TELO2: variants seen among roughly 807,000 people sequenced by gnomAD.
TELO2 encodes telomere maintenance 2, also known as telomere length regulation protein TEL2 homolog.
Under a neutral mutation model 91.0 loss-of-function variants are expected in TELO2, and 71 were observed. The ratio of observed to expected loss-of-function variants is 0.78; its 90% CI spans 0.64 to 0.95. The LOEUF (loss-of-function observed/expected upper bound fraction) is 0.95. TELO2 is among the 40% of genes least tolerant of loss of function. TELO2 has a pLI of 0.00. For missense variants in TELO2, 1,183 were observed against 1,141.3 expected (o/e 1.04, Z -0.53); for synonymous variants, 584 against 518.9 (o/e 1.13, Z -1.71).
chr16:1,509,722 TC>T, intron 20 of TELO2, 107 bp from the exon 21 acceptor site: 1 of 1,029,260 alleles, frequency 9.7e-7, no homozygotes, highest in Non-Finnish European at 1.4e-6. Flanking sequence ...CCCCCTTTCT[TC>T]CATGGAGTCA....
chr16:1,496,061 G>C (rs1020956519), intron 3 of TELO2, among the ~76,000 whole-genome samples: 8 of 152,266 alleles, frequency 5.3e-5, no homozygotes, highest in African/African-American at 1.9e-4. Context: ...CGTTTCACTA[G>C]CGAGAAGGAG....
In TELO2 at chr16:1,502,402, GA is replaced by G. The variant is rs1468737207; in HGVS notation, c.1652del (p.Glu551GlyfsTer2). The stretch of plus-strand genomic sequence containing the variant: ...CTACAGGAGCCCCACAGCCACTCGG[GA>G]GGTGAGTGGGGGGCGGGAGTGGGTG... ...LVYRSPTATR[E>X]VSVELAKVLL... is the part of the protein sequence containing the mutation. On this transcript the variant is annotated frameshift_variant and splice_region_variant, in exon 13 of 21. Transcript: ENST00000262319. LOFTEE classifies it high-confidence loss of function. 1.0e-5 allele frequency: 16 copies of G among 1,594,892 alleles called. No homozygotes were observed. The highest frequency in any genetic ancestry group is 1.4e-5 in the Non-Finnish European group (16 of 1,172,810).
chr16:1,506,499 A>G (rs45457991), intron 17 of TELO2, 170 bp downstream of exon 17: 111,375 of 1,465,598 alleles, frequency 0.076, 4,911 homozygotes, highest in African/African-American at 0.17. Flanking sequence ...GTCCCGCAAG[A>G]TTCCTCTGTG....
chr16:1,502,180 C>A, intron 12 of TELO2, 45 bp downstream of exon 12: 1 of 1,607,984 alleles, frequency 6.2e-7, no homozygotes, highest in Non-Finnish European at 8.5e-7. Flanking sequence ...GGGCATGGGT[C>A]CCGCTCACAG....
In TELO2 at chr16:1,502,357, C is replaced by CGGGCCCTTGA. The variant is rs749004413; in HGVS notation, c.1612_1621dup (p.Leu541ProfsTer2). On this transcript the variant is annotated frameshift_variant, in exon 13 of 21. Transcript: ENST00000262319. LOFTEE classifies it high-confidence loss of function. ...CATAGAGCGCTGGGAGGCAGCCCTG[C>CGGGCCCTTGA]GGGCCCTTGAGGGCCTGGTCTACAG... 30 of 1,604,852 alleles carry CGGGCCCTTGA rather than the reference C, an allele frequency of 1.9e-5. No homozygotes were observed. Among genetic ancestry groups the CGGGCCCTTGA allele is most frequent in the Non-Finnish European group, 2.5e-5 (30 of 1,177,322 alleles).
At chr16:1,498,351 GTGTT>G (rs1299740004) in intron 5 of TELO2, among the ~76,000 whole-genome samples, 3 of 152,182 alleles carry the variant, frequency 2.0e-5, no homozygotes, top group African/African-American at 4.8e-5. Flanking sequence ...GGGTGTGTGT[GTGTT>G]TAAGGCATTT....
At position 1,501,491 on chromosome 16, in the gene TELO2, G is replaced by A. The variant is rs759260920; in HGVS notation, c.1353G>A (p.Ser451=). Residue 451 remains serine, a synonymous_variant, in exon 10 of 21, where the codon TCG becomes TCA. Coordinates refer to ENST00000262319, the MANE Select transcript of TELO2 (RefSeq NM_016111.4). ...CCCAGCCTGCGGGTGACGGCGCCTC[G>A]GAGGCGGGGTGAGGGTCTCTGCCCC... ...ASPQPAGDGA[S]EAGTSLVPAT... 2.9e-5 allele frequency: 46 copies of A among 1,608,874 alleles called. No individual in the cohort carries two copies. The highest frequency in any genetic ancestry group is 8.4e-5 in the Admixed American group (5 of 59,608).
rs781660660 is a variant in TELO2 at position 1,502,649 on chromosome 16, G to A, written c.1658G>A (p.Ser553Asn). 72 of 1,611,238 alleles carry A rather than the reference G, an allele frequency of 4.5e-5. No individual in the cohort carries two copies. Among genetic ancestry groups the A allele is most frequent in the Admixed American group, 2.2e-4 (13 of 60,000 alleles). ...YRSPTATREVSVELAKVLLHL... is the reference protein window; with the variant it reads ...YRSPTATREVNVELAKVLLHL... ...AGCCCTAACCCCTGCGTGCAGGTGA[G>A]CGTGGAGCTGGCCAAGGTGCTTCTG... Residue 553 changes from serine (S) to asparagine (N), a missense_variant, in exon 14 of 21, where the codon AGC becomes AAC. By Grantham distance (46) the Ser-to-Asn change is conservative (BLOSUM62 1). Coordinates refer to ENST00000262319, the MANE Select transcript of TELO2 (RefSeq NM_016111.4).
intron 20 of TELO2, among the ~76,000 whole-genome samples, chr16:1,508,823 C>T (rs2040006368): frequency 6.6e-6 from 1 of 152,168 alleles, no homozygotes; most frequent in African/African-American, 2.4e-5. Flanking sequence ...CCAGCTCTGC[C>T]CTGTCCCTTC....
chr16:1,502,936 C>CGAGA lies in TELO2; in HGVS notation c.1778_1779insGAGA (p.Asp593GlufsTer34), dbSNP rs771873235. 1 of 1,611,100 alleles carries CGAGA rather than the reference C, an allele frequency of 6.2e-7. No homozygotes were observed. The highest frequency in any genetic ancestry group is 8.5e-7 in the Non-Finnish European group (1 of 1,180,006). Reference sequence around the variant, plus strand: ...CCTCTCCCCTGTGTCCTCAGGTGGCCGACTATCTGACCTCACAGTTCTATG... The same window carrying CGAGA: ...CCTCTCCCCTGTGTCCTCAGGTGGCCGAGAGACTATCTGACCTCACAGTTCTATG... On this transcript the variant is annotated frameshift_variant, in exon 15 of 21. Coordinates refer to ENST00000262319, the MANE Select transcript of TELO2 (RefSeq NM_016111.4). LOFTEE classifies it high-confidence loss of function.
chr16:1,501,520 G>C, intron 10 of TELO2, 21 bp downstream of exon 10: 1 of 1,597,056 alleles, frequency 6.3e-7, no homozygotes, highest in Non-Finnish European at 8.5e-7. Context: ...CTGCCCCCCG[G>C]GACCCCACCG....
In TELO2 at chr16:1,497,095, G is replaced by T; in HGVS notation, c.673G>T (p.Gly225Trp). ...GGTCCTTGGGAAAGCCTGTGTCCAC[G>T]GGAGGCAGCGTGAGTAGAGCAGTGC... ...SQVLGKACVH[G>W]RQQEILGVLV... is the part of the protein sequence containing the mutation. Residue 225 changes from glycine (G) to tryptophan (W), a missense_variant, in exon 4 of 21, where the codon GGG (glycine) becomes TGG (tryptophan). Transcript: ENST00000262319. This position sits in a 1 kb window ranked among gnomAD's most constrained non-coding sequence, Gnocchi z 4.0. 2 of 1,613,988 alleles carry T rather than the reference G, an allele frequency of 1.2e-6. No homozygotes were observed. Among genetic ancestry groups the T allele is most frequent in the Non-Finnish European group, 1.7e-6 (2 of 1,179,990 alleles).
At chr16:1,506,860 T>G in intron 17 of TELO2, 92 bp from the exon 18 acceptor site, 1 of 1,460,366 alleles carries the variant, frequency 6.8e-7, no homozygotes, top group South Asian at 1.4e-5. Flanking sequence ...AGGGGCTGTG[T>G]GGGGCTCCCT....
Position 1,500,164 on chromosome 16 carries a change from G to T in TELO2, c.1002G>T (p.Gln334His). ...GCCAGCGGCGCCCGCTCCTGCTGCA[G>T]GTACGTGCCTCCTGGCTCTCCGTCC... ...MDSQRRPLLL[Q>H]VLKELLETWG... Residue 334 changes from glutamine (Q) to histidine (H), a missense_variant and splice_region_variant, in exon 7 of 21, where the codon CAG (glutamine) becomes CAT (histidine). Transcript: ENST00000262319. 6.2e-7 allele frequency: 1 copy of T among 1,602,984 alleles called. No homozygotes were observed.
chr16:1,505,285 A>G lies in TELO2; in HGVS notation c.1843-125A>G. 1 of 1,170,806 alleles carries G rather than the reference A, an allele frequency of 8.5e-7. No individual in the cohort carries two copies. Among genetic ancestry groups the G allele is most frequent in the Non-Finnish European group, 1.2e-6 (1 of 845,894 alleles). The allele number at this position is 1,170,806 out of a possible 1,614,324, so 72.5% of individuals were successfully genotyped here. Reference sequence around the variant, plus strand: ...GGAAGTGACTTTTCTCCTTGTTCCCAGAACACACCTTCTCCCAGGCTGGGC... The same window carrying G: ...GGAAGTGACTTTTCTCCTTGTTCCCGGAACACACCTTCTCCCAGGCTGGGC... On this transcript the variant is annotated intron_variant, in intron 15 of 20. Transcript: ENST00000262319. The surrounding 1 kb of genome is among the most constrained non-coding windows in gnomAD (Gnocchi z 4.3).
chr16:1,496,391 C>T (rs757838847), intron 3 of TELO2, among the ~76,000 whole-genome samples: 1 of 152,232 alleles, frequency 6.6e-6, no homozygotes, highest in Non-Finnish European at 1.5e-5. Context: ...ACCTCCTGAG[C>T]CCCTCCTGTC....
intron 15 of TELO2, among the ~76,000 whole-genome samples, chr16:1,504,588 C>G (rs192055565): frequency 4.7e-5 from 5 of 106,958 alleles, no homozygotes; most frequent in Non-Finnish European, 9.0e-5. Context: ...GACAGAGTCT[C>G]GCTCTGTCGC....
chr16:1,510,040 G>C lies in TELO2; in HGVS notation c.*104G>C. ...GGCTTTGTAGCGAGGCCAGGTCTTC[G>C]GCCGCATCCGGTACGGAGAGTGCAG... On this transcript the variant is annotated 3_prime_UTR_variant, in exon 21 of 21. Coordinates refer to ENST00000262319, the MANE Select transcript of TELO2 (RefSeq NM_016111.4). 4 of 957,824 alleles carry C rather than the reference G, an allele frequency of 4.2e-6. No homozygotes were observed. The highest frequency in any genetic ancestry group is 6.3e-6 in the Non-Finnish European group (4 of 634,434). The allele number at this position is 957,824 out of a possible 1,614,324, so 59.3% of individuals were successfully genotyped here. A position where few individuals can be genotyped will look rare whatever the true frequency, so the allele number is the denominator to read the frequency against.
chr16:1,495,712 G>T (rs2039466046), intron 3 of TELO2, 89 bp downstream of exon 3: 3 of 1,486,454 alleles, frequency 2.0e-6, no homozygotes, highest in African/African-American at 1.4e-5. Context: ...GGCCTCTGGA[G>T]ACTTTGGAGT....
Sources: allele counts gnomAD v4.1 joint callset (sites outside exome capture counted in the v4.1 genomes callset), GRCh38; gene constraint gnomAD v4.1.1; non-coding constraint Gnocchi (gnomAD v3.1); transcripts MANE v1.5; gene names NCBI Gene and HGNC (gene_info 2026-07-23, HGNC 2026-07-21).